FBXO10: variants seen among roughly 807,000 people sequenced by gnomAD.
The protein encoded by FBXO10 is F-box only protein 10.
A neutral mutation model predicts 80.7 loss-of-function variants in FBXO10; 39 were observed. The observed-to-expected ratio is 0.48, with a 90% CI of 0.37 to 0.63. The LOEUF (loss-of-function observed/expected upper bound fraction) is 0.63. Among genes scored for constraint, FBXO10 ranks in the 30% least tolerant of loss-of-function variants. The pLI is 0.00. For missense variants in FBXO10, 1,025 were observed against 1,269.0 expected, an observed-to-expected ratio of 0.81 and a Z score of 2.92; for synonymous variants, 449 against 489.6, an observed-to-expected ratio of 0.92 and a Z score of 1.09.
chr9:37,544,805 T>C (rs1373608843), intron 1 of FBXO10, among the ~76,000 whole-genome samples: 1 of 151,718 alleles, frequency 6.6e-6, no homozygotes, highest in African/African-American at 2.4e-5. Context: ...CCATCCTGGC[T>C]AACATGGTGA....
At chr9:37,547,910 G>T (rs1822097949) in intron 1 of FBXO10, among the ~76,000 whole-genome samples, 2 of 151,998 alleles carry the variant, frequency 1.3e-5, no homozygotes, top group South Asian at 2.1e-4. Context: ...ATAAGCTGAT[G>T]GTGTCACTGC....
intron 5 of FBXO10, among the ~76,000 whole-genome samples, chr9:37,525,453 T>G (rs1821446919): frequency 6.6e-6 from 1 of 152,198 alleles, no homozygotes; most frequent in South Asian, 2.1e-4. Flanking sequence ...TGGGACAGCT[T>G]GACCAAAAAC....
At chr9:37,532,145 C>T in intron 3 of FBXO10, 87 bp from the exon 4 acceptor site, 1 of 1,403,584 alleles carries the variant, frequency 7.1e-7, no homozygotes, top group East Asian at 2.6e-5. Context: ...CTTTTCCGCA[C>T]CACCTGATCC....
intron 3 of FBXO10, 119 bp downstream of exon 3, chr9:37,536,991 G>T: frequency 1.4e-6 from 1 of 732,770 alleles, no homozygotes; most frequent in Non-Finnish European, 2.2e-6. Context: ...TGGGCATGAC[G>T]TCAAGCGTGC....
intron 4 of FBXO10, among the ~76,000 whole-genome samples, chr9:37,530,492 C>T (rs1821593384): frequency 6.6e-6 from 1 of 152,242 alleles, no homozygotes; most frequent in Admixed American, 6.5e-5. Flanking sequence ...AGGGCAAACC[C>T]CTCATCTCTC....
At chr9:37,523,210 G>A (rs1265632620) in intron 6 of FBXO10, among the ~76,000 whole-genome samples, 1 of 5,880 alleles carries the variant, frequency 1.7e-4, no homozygotes, top group Non-Finnish European at 3.2e-4. Flanking sequence ...CTATCTCCCC[G>A]GCACCTACTA....
intron 1 of FBXO10, among the ~76,000 whole-genome samples, chr9:37,548,331 G>A (rs1822109364): frequency 6.6e-6 from 1 of 151,542 alleles, no homozygotes; most frequent in Non-Finnish European, 1.5e-5. Flanking sequence ...GTTGCAGTGA[G>A]CTGAGATTGT....
At chr9:37,550,809 T>A (rs1822180861) in intron 1 of FBXO10, among the ~76,000 whole-genome samples, 1 of 152,212 alleles carries the variant, frequency 6.6e-6, no homozygotes, top group South Asian at 2.1e-4. Context: ...GGGTTCCCTG[T>A]TGTTCTCTGA....
intron 1 of FBXO10, among the ~76,000 whole-genome samples, chr9:37,558,482 A>G (rs1822391194): frequency 6.6e-6 from 1 of 152,128 alleles, no homozygotes. Flanking sequence ...AGCACTGACA[A>G]TTTCTCTCCC....
intron 1 of FBXO10, among the ~76,000 whole-genome samples, chr9:37,568,750 C>T (rs113505634): frequency 9.5e-4 from 144 of 152,100 alleles, no homozygotes; most frequent in African/African-American, 3.4e-3. Flanking sequence ...GGTCTAAGGT[C>T]GGAGTTCATG....
intron 1 of FBXO10, among the ~76,000 whole-genome samples, chr9:37,561,429 C>T (rs1822479974): frequency 6.6e-6 from 1 of 152,174 alleles, no homozygotes; most frequent in African/African-American, 2.4e-5. Context: ...GAGGTATCCA[C>T]ATGCCTCTGG....
intron 1 of FBXO10, among the ~76,000 whole-genome samples, chr9:37,562,283 T>C (rs1563889374): frequency 6.6e-6 from 1 of 152,330 alleles, no homozygotes; most frequent in South Asian, 2.1e-4. Flanking sequence ...GTATTAACAG[T>C]TGAGTATAAA....
At chr9:37,566,409 G>C (rs1194717265) in intron 1 of FBXO10, among the ~76,000 whole-genome samples, 2 of 143,342 alleles carry the variant, frequency 1.4e-5, no homozygotes, top group African/African-American at 2.6e-5. Flanking sequence ...AGTGAGCTGA[G>C]ATCACACCAC....
Position 37,541,775 on chromosome 9 carries a change from C to T in FBXO10, c.-6-1G>A. 7.0e-6 allele frequency: 11 copies of T among 1,573,346 alleles called. No homozygotes were observed. The highest frequency in any genetic ancestry group is 9.5e-6 in the Non-Finnish European group (11 of 1,159,040). On this transcript the variant is annotated splice_acceptor_variant, in intron 1 of 10. Transcript: ENST00000432825. LOFTEE classifies it low-confidence loss of function (5UTR_SPLICE). ...GGAGGCCACCAGCCTCCATGGTCAC[C>T]TAGGAGACAGACACAAAACAAAAGA...
chr9:37,561,170 C>A (rs1231753742), intron 1 of FBXO10, among the ~76,000 whole-genome samples: 377 of 137,138 alleles, frequency 2.7e-3, no homozygotes, highest in African/African-American at 6.4e-3. Context: ...AAAACAAAAT[C>A]AACTTTTTTT....
chr9:37,553,011 GTTGTGTGTGT>G (rs1563884777), intron 1 of FBXO10, among the ~76,000 whole-genome samples: 2 of 116,502 alleles, frequency 1.7e-5, no homozygotes, highest in African/African-American at 7.5e-5. Context: ...ACCAATTCAG[GTTGTGTGTGT>G]GTGTGTGTGT....
intron 8 of FBXO10, among the ~76,000 whole-genome samples, chr9:37,520,027 GTCTC>G: frequency 6.6e-6 from 1 of 152,118 alleles, no homozygotes; most frequent in South Asian, 2.1e-4. Context: ...AGAGATTGAG[GTCTC>G]TCTATGTTGC....
chr9:37,570,951 G>A (rs1206168902), intron 1 of FBXO10, among the ~76,000 whole-genome samples: 3 of 149,254 alleles, frequency 2.0e-5, no homozygotes, highest in African/African-American at 4.9e-5. Context: ...CTGAGATTGC[G>A]CCACTGCAGT....
chr9:37,552,649 G>A (rs1373174278), intron 1 of FBXO10, among the ~76,000 whole-genome samples: 5 of 143,216 alleles, frequency 3.5e-5, no homozygotes, highest in Non-Finnish European at 7.5e-5. Context: ...CCGAGATTGC[G>A]CCACTGCACT....
Sources: gnomAD v4.1 joint callset for allele counts (sites outside exome capture counted in the v4.1 genomes callset) on GRCh38, gnomAD v4.1.1 for gene constraint, MANE v1.5 for transcripts, NCBI Gene and HGNC (gene_info 2026-07-23, HGNC 2026-07-21) for gene names.